COL18A1: variants seen among roughly 807,000 people sequenced by gnomAD.
COL18A1 encodes the protein collagen type XVIII alpha 1 chain.
A neutral mutation model predicts 168.0 loss-of-function variants in COL18A1; 133 were observed. The ratio of observed to expected loss-of-function variants is 0.79; its 90% CI spans 0.69 to 0.91. The LOEUF is 0.91. Ranked by LOEUF, COL18A1 falls within the 40% of genes least tolerant of loss-of-function variation. The pLI, the probability that COL18A1 is intolerant of heterozygous loss-of-function variation, is 0.00. For missense variants in COL18A1, 2,126 were observed against 1,925.4 expected (o/e 1.10, Z -1.95); for synonymous variants, 949 against 809.0 (o/e 1.17, Z -2.94).
chr21:45,434,529 C>A (rs9981843), intron 2 of COL18A1, among the ~76,000 whole-genome samples: 18,742 of 152,166 alleles, frequency 0.12, 1,304 homozygotes, highest in East Asian at 0.22. Context: ...GAGGGCTTCC[C>A]GTGGCTCTGT....
intron 28 of COL18A1, 123 bp downstream of exon 28, chr21:45,495,038 C>T (rs565106242): frequency 4.6e-6 from 4 of 873,898 alleles, no homozygotes; most frequent in South Asian, 1.6e-5. Context: ...CTGTCCTCCC[C>T]CAAGAACCGG....
In COL18A1 at chr21:45,494,943, C is replaced by T. The variant is rs374341263; in HGVS notation, c.2433+28C>T. 540 of 1,598,314 alleles carry T rather than the reference C, an allele frequency of 3.4e-4. No homozygotes were observed. The African/African-American group carries it at 5.3e-3, about 16-fold the overall frequency. Reference sequence around the variant, plus strand: ...GAGGACCTGGGGTCTCCAGTGGGGGCGGCAGATGGGGTCTGGCAGGTGGGG... The same window carrying T: ...GAGGACCTGGGGTCTCCAGTGGGGGTGGCAGATGGGGTCTGGCAGGTGGGG... On this transcript the variant is annotated intron_variant, in intron 28 of 41. Transcript: ENST00000651438.
intron 2 of COL18A1, among the ~76,000 whole-genome samples, chr21:45,452,298 G>A (rs557995593): frequency 1.3e-5 from 2 of 152,392 alleles, no homozygotes; most frequent in South Asian, 2.1e-4. Flanking sequence ...GTGCTTGCCT[G>A]TGTGCGTGTG....
At chr21:45,438,083 C>G (rs1467348436) in intron 2 of COL18A1, among the ~76,000 whole-genome samples, 4 of 129,248 alleles carry the variant, frequency 3.1e-5, no homozygotes, top group Admixed American at 2.3e-4. Context: ...GACAAGCACT[C>G]TCCTGCACAC....
At chr21:45,420,671 A>T (rs2033593049) in intron 2 of COL18A1, 1 of 152,378 alleles carries the variant, frequency 6.6e-6, no homozygotes, top group African/African-American at 2.4e-5. Flanking sequence ...TGGCAACAGG[A>T]GGGCGAGTGG....
At chr21:45,480,240 C>T (rs998722356) in intron 11 of COL18A1, 84 bp downstream of exon 11, 1 of 1,134,790 alleles carries the variant, frequency 8.8e-7, no homozygotes, top group East Asian at 2.6e-5. Context: ...AGTATCAGCT[C>T]CACCCTCAGG....
At chr21:45,496,156 G>T (rs765718900) in intron 29 of COL18A1, 87 of 460,474 alleles carry the variant, frequency 1.9e-4, no homozygotes, top group Non-Finnish European at 3.2e-4. Flanking sequence ...CAGCCCAAAG[G>T]TGTCCACTCT....
intron 11 of COL18A1, 105 bp from the exon 12 acceptor site, chr21:45,480,362 C>T: frequency 6.2e-7 from 1 of 1,602,622 alleles, no homozygotes; most frequent in Non-Finnish European, 8.5e-7. Context: ...TTTCTCAGCT[C>T]CTTGTAGAAA....
chr21:45,430,395 T>C (rs1008298679), intron 2 of COL18A1, among the ~76,000 whole-genome samples: 2 of 152,176 alleles, frequency 1.3e-5, no homozygotes, highest in African/African-American at 4.8e-5. Flanking sequence ...AGCCTTTTCA[T>C]AGGCTACGAC....
intron 2 of COL18A1, among the ~76,000 whole-genome samples, chr21:45,437,446 TCACTCACAGACAGA>T (rs2034170796): frequency 4.3e-4 from 2 of 4,622 alleles, no homozygotes. Context: ...ACACACACAC[TCACTCACAGACAGA>T]CACACAGGCA....
intron 2 of COL18A1, among the ~76,000 whole-genome samples, chr21:45,417,902 GC>G (rs1165555349): frequency 6.6e-6 from 1 of 152,236 alleles, no homozygotes; most frequent in East Asian, 1.9e-4. Context: ...CCTTCCCCAG[GC>G]CCCACCCACA....
chr21:45,452,159 G>A (rs8126552), intron 2 of COL18A1, among the ~76,000 whole-genome samples: 3,355 of 152,362 alleles, frequency 0.022, 139 homozygotes, highest in African/African-American at 0.075. Context: ...ATCCTGGAAC[G>A]AGCCACAGTC....
intron 2 of COL18A1, among the ~76,000 whole-genome samples, chr21:45,459,058 G>A (rs756852327): frequency 2.4e-4 from 37 of 152,332 alleles, no homozygotes; most frequent in African/African-American, 7.0e-4. Flanking sequence ...GCCGTGTCCC[G>A]TGCAGGGTCC....
intron 15 of COL18A1, among the ~76,000 whole-genome samples, chr21:45,486,660 C>T (rs920158235): frequency 6.6e-6 from 1 of 152,248 alleles, no homozygotes; most frequent in Non-Finnish European, 1.5e-5. Context: ...GCTCTCTCCT[C>T]AGTTGTGTTT....
Position 45,505,928 on chromosome 21 carries a change from C to T in COL18A1, c.3178C>T (p.Leu1060Phe). The T allele has an allele frequency of 6.2e-7, 1 of 1,613,224 alleles. No individual in the cohort carries two copies. Among genetic ancestry groups the T allele is most frequent in the Non-Finnish European group, 8.5e-7 (1 of 1,179,980 alleles). Residue 1060 changes from leucine to phenylalanine, a missense_variant, in exon 37 of 42, where the codon CTC becomes TTC. Physicochemically the swap from Leu to Phe is conservative, Grantham distance 22. Coordinates refer to ENST00000651438, the MANE Select transcript of COL18A1 (RefSeq NM_001379500.1). The stretch of plus-strand genomic sequence containing the variant: ...CATCTTCGTGGCCGAGCAGGAGGAG[C>T]TCTACGTCCGCGTGCAGAACGGGTT... ...WLIFVAEQEE[L>F]YVRVQNGFRK...
In COL18A1 at chr21:45,495,415, C is replaced by T. The variant is rs545931667; in HGVS notation, c.2491C>T (p.Leu831Phe). Residue 831 changes from leucine (L) to phenylalanine (F), a missense_variant, in exon 29 of 42, where the codon CTT (leucine) becomes TTT (phenylalanine). Leu to Phe is a conservative substitution (Grantham distance 22, BLOSUM62 0). Coordinates refer to ENST00000651438, the MANE Select transcript of COL18A1 (RefSeq NM_001379500.1). ...GEKGEPGDAS[L>F]GFGMRGMPGP... ...GAAAGGGGAGCCGGGAGATGCCAGC[C>T]TTGGATTTGGCATGAGGGTGAGTGT... The T allele has an allele frequency of 3.7e-6, 6 of 1,610,954 alleles. No individual in the cohort carries two copies. Among genetic ancestry groups the T allele is most frequent in the African/African-American group, 2.7e-5 (2 of 75,000 alleles).
intron 2 of COL18A1, among the ~76,000 whole-genome samples, chr21:45,461,518 C>T (rs947974459): frequency 1.3e-5 from 2 of 152,118 alleles, no homozygotes; most frequent in Non-Finnish European, 2.9e-5. Context: ...CTCCTGGTGC[C>T]CCCCTGCAGG....
chr21:45,407,297 C>T (rs926351537), intron 2 of COL18A1: 1 of 152,244 alleles, frequency 6.6e-6, no homozygotes, highest in Non-Finnish European at 1.5e-5. Flanking sequence ...GGCCTGAGGC[C>T]CAGTTTGCTG....
rs560781871 is a variant in COL18A1 at position 45,498,404 on chromosome 21, G to T, written c.2683+743G>T. Reference sequence around the variant, plus strand: ...CTCGCCGCCAGGGTCCCCTCTCGCCGCCAGGGTCCCCTCTCGCCGCCACGG... The same window carrying T: ...CTCGCCGCCAGGGTCCCCTCTCGCCTCCAGGGTCCCCTCTCGCCGCCACGG... On this transcript the variant is annotated intron_variant, in intron 32 of 41. Transcript: ENST00000651438. The surrounding 1 kb of genome is among the most constrained non-coding windows in gnomAD (Gnocchi z 4.5). The T allele has an allele frequency of 4.4e-6, 3 of 684,268 alleles. No individual in the cohort carries two copies. The highest frequency in any genetic ancestry group is 8.2e-6 in the Non-Finnish European group (3 of 367,170). The allele number at this position is 684,268 out of a possible 1,614,324, so 42.4% of individuals were successfully genotyped here.
Sources: allele counts gnomAD v4.1 joint callset (sites outside exome capture counted in the v4.1 genomes callset), GRCh38; gene constraint gnomAD v4.1.1; non-coding constraint Gnocchi (gnomAD v3.1); transcripts MANE v1.5; gene names NCBI Gene and HGNC (gene_info 2026-07-23, HGNC 2026-07-21).